Variants in NRXN1 observed in about 807,000 individuals in gnomAD.
NRXN1 encodes neurexin-1.
In NRXN1, 39 loss-of-function variants were observed where a neutral mutation model predicts 150.9. The observed-to-expected ratio is 0.26, with a 90% CI of 0.20 to 0.34. The LOEUF is 0.34. NRXN1 is among the 10% of genes least tolerant of loss of function. NRXN1 has a pLI of 1.00. For synonymous variants in NRXN1, 924 were observed against 757.0 expected (o/e 1.22, Z -3.62); for missense variants, 1,815 against 1,949.9 (o/e 0.93, Z 1.30).
intron 15 of NRXN1, among the ~76,000 whole-genome samples, chr2:50,488,424 G>A (rs866127114): frequency 6.6e-6 from 1 of 152,176 alleles, no homozygotes; most frequent in African/African-American, 2.4e-5. Flanking sequence ...GTTTACCAAT[G>A]CTTGTGAAAG....
intron 18 of NRXN1, among the ~76,000 whole-genome samples, chr2:50,190,676 G>C (rs1282701639): frequency 6.9e-6 from 1 of 145,690 alleles, no homozygotes; most frequent in Non-Finnish European, 1.5e-5. Flanking sequence ...GCAATGGCGT[G>C]ATCTTGGCTC....
intron 21 of NRXN1, among the ~76,000 whole-genome samples, chr2:50,030,439 A>T (rs1186484499): frequency 6.6e-6 from 1 of 152,144 alleles, no homozygotes; most frequent in Non-Finnish European, 1.5e-5. Context: ...ACAATTAGAA[A>T]CTATAAAACA....
chr2:50,952,277 G>T (rs1286133106), intron 2 of NRXN1, among the ~76,000 whole-genome samples: 2 of 152,030 alleles, frequency 1.3e-5, no homozygotes, highest in African/African-American at 4.8e-5. Flanking sequence ...TTTATAAAAA[G>T]AATATACTGA....
chr2:50,451,884 A>T (rs1028148039), intron 17 of NRXN1, among the ~76,000 whole-genome samples: 1 of 152,232 alleles, frequency 6.6e-6, no homozygotes, highest in Non-Finnish European at 1.5e-5. Flanking sequence ...GCTGATGTTT[A>T]GTTAGTAGTA....
intron 22 of NRXN1, among the ~76,000 whole-genome samples, chr2:49,927,811 T>C (rs569250225): frequency 6.6e-6 from 1 of 152,306 alleles, no homozygotes; most frequent in Admixed American, 6.5e-5. Flanking sequence ...ACTCAAATTG[T>C]CATTTTTATG....
intron 5 of NRXN1, among the ~76,000 whole-genome samples, chr2:50,715,191 T>C (rs1193847724): frequency 1.3e-5 from 2 of 152,190 alleles, no homozygotes; most frequent in South Asian, 2.1e-4. Flanking sequence ...TTTAACACTA[T>C]ACAGGAAATA....
chr2:50,098,163 G>A (rs147507486), intron 18 of NRXN1, among the ~76,000 whole-genome samples: 6 of 152,146 alleles, frequency 3.9e-5, no homozygotes, highest in African/African-American at 7.2e-5. Flanking sequence ...ATTAAATAGC[G>A]TCTGTTTAAA....
chr2:50,179,333 T>C (rs1471272388), intron 18 of NRXN1, among the ~76,000 whole-genome samples: 2 of 152,068 alleles, frequency 1.3e-5, no homozygotes, highest in Non-Finnish European at 2.9e-5. Context: ...CTAAAGTGAT[T>C]TGTTGATCAG....
intron 19 of NRXN1, among the ~76,000 whole-genome samples, chr2:50,062,981 G>A (rs1034362709): frequency 2.6e-5 from 4 of 152,142 alleles, no homozygotes; most frequent in African/African-American, 9.7e-5. Flanking sequence ...ATTGGGAAAA[G>A]AAACACAAAA....
chr2:50,007,902 C>A (rs542024752), intron 21 of NRXN1, among the ~76,000 whole-genome samples: 1 of 152,102 alleles, frequency 6.6e-6, no homozygotes, highest in Non-Finnish European at 1.5e-5. Context: ...CTGTTGTTTC[C>A]TGACTTTTTA....
At chr2:50,512,925 A>C (rs1225800139) in intron 12 of NRXN1, among the ~76,000 whole-genome samples, 1 of 152,178 alleles carries the variant, frequency 6.6e-6, no homozygotes, top group Non-Finnish European at 1.5e-5. Context: ...ATTTGGTTCA[A>C]ATGTAGATTC....
chr2:50,705,363 T>C (rs1452136198), intron 5 of NRXN1, among the ~76,000 whole-genome samples: 2 of 152,138 alleles, frequency 1.3e-5, no homozygotes, highest in African/African-American at 4.8e-5. Context: ...AGACTGATGG[T>C]ATCAATAATT....
chr2:50,860,155 A>G (rs1451708693), intron 5 of NRXN1, among the ~76,000 whole-genome samples: 1 of 151,692 alleles, frequency 6.6e-6, no homozygotes, highest in Non-Finnish European at 1.5e-5. Flanking sequence ...TCAATCAACA[A>G]TTATTTGGTG....
chr2:50,399,789 T>TA (rs562980355), intron 17 of NRXN1, among the ~76,000 whole-genome samples: 2 of 60,526 alleles, frequency 3.3e-5, no homozygotes, highest in Non-Finnish European at 6.1e-5. Flanking sequence ...AGAGAACTGG[T>TA]AAAAAAAAAA....
chr2:50,947,278 G>A (rs1431405422), intron 2 of NRXN1, among the ~76,000 whole-genome samples: 2 of 151,888 alleles, frequency 1.3e-5, no homozygotes, highest in South Asian at 2.1e-4. Context: ...CATGTACTAC[G>A]CATTCAATAA....
chr2:50,710,648 A>ACC (rs2105038387), intron 5 of NRXN1, among the ~76,000 whole-genome samples: 1 of 152,348 alleles, frequency 6.6e-6, no homozygotes, highest in African/African-American at 2.4e-5. Flanking sequence ...TAAGCATTAA[A>ACC]AAGTGTCAAA....
At chr2:50,338,226 G>C (rs2077316764) in intron 17 of NRXN1, among the ~76,000 whole-genome samples, 1 of 152,168 alleles carries the variant, frequency 6.6e-6, no homozygotes, top group South Asian at 2.1e-4. Context: ...AGCACATTGT[G>C]ATTTTGAAAA....
intron 18 of NRXN1, among the ~76,000 whole-genome samples, chr2:50,210,476 A>T (rs2062935788): frequency 6.6e-6 from 1 of 151,782 alleles, no homozygotes. Flanking sequence ...ATTATTGGAA[A>T]ATCAGGTACA....
intron 18 of NRXN1, among the ~76,000 whole-genome samples, chr2:50,161,774 A>AT (rs1221933984): frequency 6.6e-6 from 1 of 152,004 alleles, no homozygotes; most frequent in Non-Finnish European, 1.5e-5. Flanking sequence ...AATCTTGCTT[A>AT]TTTTTTAACT....
Sources: allele counts gnomAD v4.1 joint callset (sites outside exome capture counted in the v4.1 genomes callset), GRCh38; gene constraint gnomAD v4.1.1; transcripts MANE v1.5; gene names NCBI Gene and HGNC (gene_info 2026-07-23, HGNC 2026-07-21).